FHOD3: variants seen among roughly 807,000 people sequenced by gnomAD.
FHOD3 encodes FH1/FH2 domain-containing protein 3.
FHOD3 carries 90 observed loss-of-function variants against 173.0 expected under a neutral mutation model. That is an observed-to-expected ratio of 0.52 (90% CI 0.44 to 0.62). The LOEUF is 0.62. Among genes scored for constraint, FHOD3 ranks in the 20% least tolerant of loss-of-function variants. The probability of loss-of-function intolerance (pLI) is 0.00; values close to 1 mark genes in which losing one functional copy is unlikely to be tolerated. For missense variants in FHOD3, 1,945 were observed against 2,034.7 expected (o/e 0.96, Z 0.85); for synonymous variants, 828 against 823.0 (o/e 1.01, Z -0.10).
chr18:36,725,555 A>T (rs1600432667), intron 19 of FHOD3, among the ~76,000 whole-genome samples: 1 of 151,744 alleles, frequency 6.6e-6, no homozygotes, highest in South Asian at 2.1e-4. Context: ...ATGTCTTGAG[A>T]CTCCAGGCAG....
intron 3 of FHOD3, among the ~76,000 whole-genome samples, chr18:36,398,455 A>T (rs903888192): frequency 9.2e-5 from 14 of 152,218 alleles, no homozygotes; most frequent in Admixed American, 9.2e-4. Context: ...TTGCTGGATC[A>T]TGTTGTAATT....
chr18:36,667,088 G>T (rs549454338), intron 14 of FHOD3, among the ~76,000 whole-genome samples: 1 of 152,240 alleles, frequency 6.6e-6, no homozygotes, highest in Admixed American at 6.5e-5. Context: ...GTTGTTGTGT[G>T]TTTCAATTTC....
intron 1 of FHOD3, among the ~76,000 whole-genome samples, chr18:36,333,423 T>G (rs542771132): frequency 6.6e-6 from 1 of 152,250 alleles, no homozygotes; most frequent in East Asian, 1.9e-4. Context: ...TAGTCTTCAC[T>G]TAATTTGGTG....
intron 20 of FHOD3, among the ~76,000 whole-genome samples, chr18:36,736,979 AAAAC>A (rs1456629984): frequency 6.6e-6 from 1 of 152,242 alleles, no homozygotes; most frequent in Admixed American, 6.5e-5. Flanking sequence ...CTGACTTAGA[AAAAC>A]AAATTAAAAA....
At chr18:36,557,503 T>C (rs2057934674) in intron 5 of FHOD3, among the ~76,000 whole-genome samples, 1 of 152,210 alleles carries the variant, frequency 6.6e-6, no homozygotes, top group African/African-American at 2.4e-5. Flanking sequence ...GTGTCTTTAC[T>C]ATCTTTCATG....
At chr18:36,585,282 G>A (rs554819691) in intron 6 of FHOD3, among the ~76,000 whole-genome samples, 1 of 152,240 alleles carries the variant, frequency 6.6e-6, no homozygotes, top group African/African-American at 2.4e-5. Context: ...GGGTTTTAAT[G>A]GCATAGTCAT....
chr18:36,492,839 A>G (rs530169226), intron 3 of FHOD3, among the ~76,000 whole-genome samples: 23 of 152,322 alleles, frequency 1.5e-4, no homozygotes, highest in African/African-American at 4.8e-4. Flanking sequence ...TTGCTTTGGC[A>G]TGTGTGTGTT....
At position 36,493,349 on chromosome 18, in the gene FHOD3, C is replaced by T. The variant is rs2054570462; in HGVS notation, c.338-8583C>T. 2.0e-5 allele frequency among the ~76,000 whole-genome samples: 3 copies of T among 151,794 alleles called. No individual in the cohort carries two copies. The South Asian group carries it at 6.2e-4, about 31-fold the overall frequency. ...GTAAAATAAAGTTTTCGTGATGCCA[C>T]ATTTTCTCTTGAAAACATCAGCAGG... On this transcript the variant is annotated intron_variant, in intron 3 of 28. Transcript: ENST00000590592.
chr18:36,344,686 G>A (rs1431474017), intron 1 of FHOD3, among the ~76,000 whole-genome samples: 1 of 152,106 alleles, frequency 6.6e-6, no homozygotes, highest in Non-Finnish European at 1.5e-5. Flanking sequence ...TAAACATGCA[G>A]ATTTGAACTC....
chr18:36,355,852 A>C (rs1429805933), intron 2 of FHOD3, among the ~76,000 whole-genome samples: 1 of 152,212 alleles, frequency 6.6e-6, no homozygotes, highest in African/African-American at 2.4e-5. Flanking sequence ...GGTGCTCGGG[A>C]GTAGCCTTTC....
chr18:36,415,486 G>T (rs79997205), intron 3 of FHOD3, among the ~76,000 whole-genome samples: 1 of 152,132 alleles, frequency 6.6e-6, no homozygotes, highest in Non-Finnish European at 1.5e-5. Flanking sequence ...TTGTCAGCAC[G>T]CAAGGATTTA....
At chr18:36,613,187 C>T (rs931380554) in intron 9 of FHOD3, among the ~76,000 whole-genome samples, 1 of 152,216 alleles carries the variant, frequency 6.6e-6, no homozygotes, top group African/African-American at 2.4e-5. Context: ...AGAACTCCTG[C>T]CTATCACCAG....
chr18:36,366,728 T>C (rs1011499205), intron 2 of FHOD3, among the ~76,000 whole-genome samples: 2 of 152,168 alleles, frequency 1.3e-5, no homozygotes, highest in Non-Finnish European at 2.9e-5. Context: ...TGATGACTGG[T>C]TCAAATCCTC....
chr18:36,482,616 G>A (rs917122265), intron 3 of FHOD3, among the ~76,000 whole-genome samples: 4 of 152,178 alleles, frequency 2.6e-5, no homozygotes, highest in African/African-American at 4.8e-5. Context: ...TGCAGACCCC[G>A]TGGTTCCTCT....
chr18:36,590,530 T>C (rs188908064), intron 6 of FHOD3, among the ~76,000 whole-genome samples: 9 of 152,342 alleles, frequency 5.9e-5, no homozygotes, highest in African/African-American at 2.2e-4. Flanking sequence ...TCTACAAAAT[T>C]AGTGTTCTAG....
intron 5 of FHOD3, among the ~76,000 whole-genome samples, chr18:36,538,563 G>T (rs532376294): frequency 6.6e-6 from 1 of 152,294 alleles, no homozygotes; most frequent in Admixed American, 6.5e-5. Context: ...TTAATGGAAT[G>T]TACCAATTGT....
chr18:36,524,708 A>C (rs1270480803), intron 5 of FHOD3, among the ~76,000 whole-genome samples: 4 of 152,160 alleles, frequency 2.6e-5, no homozygotes, highest in African/African-American at 9.7e-5. Context: ...CAGCTCTTCC[A>C]GATCTTAATC....
chr18:36,575,081 C>T (rs1280959715), intron 5 of FHOD3, among the ~76,000 whole-genome samples: 1 of 151,984 alleles, frequency 6.6e-6, no homozygotes, highest in African/African-American at 2.4e-5. Context: ...AGCAATTTTC[C>T]TGCCTCAGCT....
intron 24 of FHOD3, among the ~76,000 whole-genome samples, chr18:36,749,564 T>A (rs928856198): frequency 6.6e-6 from 1 of 152,276 alleles, no homozygotes; most frequent in Non-Finnish European, 1.5e-5. Flanking sequence ...CACATTTTTT[T>A]ATCCAATCTG....
Sources: allele counts gnomAD v4.1 joint callset (sites outside exome capture counted in the v4.1 genomes callset), GRCh38; gene constraint gnomAD v4.1.1; transcripts MANE v1.5; gene names NCBI Gene and HGNC (gene_info 2026-07-23, HGNC 2026-07-21).